Variants in CD163L1 observed in about 807,000 individuals in gnomAD.
CD163L1 encodes scavenger receptor cysteine-rich type 1 protein M160.
In CD163L1, 124 loss-of-function variants were observed where a neutral mutation model predicts 165.4. The observed-to-expected ratio is 0.75, with a 90% CI of 0.65 to 0.87. CD163L1 has a LOEUF of 0.87. Ranked by LOEUF, CD163L1 falls within the 40% of genes least tolerant of loss-of-function variation. The pLI is 0.00. For missense variants in CD163L1, 1,525 were observed against 1,799.9 expected (o/e 0.85, Z 2.76); for synonymous variants, 585 against 662.2 (o/e 0.88, Z 1.79).
At chr12:7,435,285 C>T (rs1417201553) in intron 2 of CD163L1, among the ~76,000 whole-genome samples, 1 of 151,630 alleles carries the variant, frequency 6.6e-6, no homozygotes, top group Non-Finnish European at 1.5e-5. Context: ...TCAAAATACA[C>T]TCTATAAAAA....
chr12:7,435,765 G>C (rs1948705499), intron 2 of CD163L1, among the ~76,000 whole-genome samples: 1 of 151,928 alleles, frequency 6.6e-6, no homozygotes, highest in Admixed American at 6.6e-5. Context: ...CAGAACATTT[G>C]ACAATAGTAA....
chr12:7,369,738 T>C lies in CD163L1; in HGVS notation c.3731-73A>G. On this transcript the variant is annotated intron_variant, in intron 14 of 19. Coordinates refer to ENST00000313599, the MANE Select transcript of CD163L1 (RefSeq NM_174941.6). This position sits in a 1 kb window ranked among gnomAD's most constrained non-coding sequence, Gnocchi z 4.9. Reference sequence around the variant, plus strand: ...GGGAGAATGCTGAGGTAGAAAAACTTGAAAGTAGCAAATGTGCTTGATGAA... The same window carrying C: ...GGGAGAATGCTGAGGTAGAAAAACTCGAAAGTAGCAAATGTGCTTGATGAA... The C allele has an allele frequency of 7.4e-7, 1 of 1,360,360 alleles. No individual in the cohort carries two copies. The allele number at this position is 1,360,360 out of a possible 1,614,324, so 84.3% of individuals were successfully genotyped here.
chr12:7,441,993 A>T (rs1305495955), intron 1 of CD163L1, among the ~76,000 whole-genome samples: 1 of 152,220 alleles, frequency 6.6e-6, no homozygotes, highest in African/African-American at 2.4e-5. Flanking sequence ...ACACAAGCGA[A>T]GGAGTTGAGA....
chr12:7,326,889 A>G, the CD163L1 span: 1 of 1,381,574 alleles, frequency 7.2e-7, no homozygotes, highest in African/African-American at 1.5e-5. Context: ...ATTAATAAAT[A>G]GTAAGCACCT....
chr12:7,385,409 T>G (rs1947495910), intron 8 of CD163L1, among the ~76,000 whole-genome samples: 2 of 152,000 alleles, frequency 1.3e-5, no homozygotes, highest in South Asian at 4.1e-4. Flanking sequence ...ATTACAATAA[T>G]AGTTGGCACT....
At chr12:7,329,812 G>T in the CD163L1 span, among the ~76,000 whole-genome samples, 1 of 151,850 alleles carries the variant, frequency 6.6e-6, no homozygotes, top group Non-Finnish European at 1.5e-5. Flanking sequence ...TTTTATAGCT[G>T]GGAAAGAAGA....
the CD163L1 span, chr12:7,324,451 T>A: frequency 1.2e-6 from 2 of 1,613,934 alleles, no homozygotes; most frequent in Non-Finnish European, 1.7e-6. Flanking sequence ...GGGAGGGAGA[T>A]CTCTAACTTG....
chr12:7,438,424 G>A lies in CD163L1; in HGVS notation c.124+2730C>T, dbSNP rs757404934. On this transcript the variant is annotated intron_variant, in intron 2 of 19. Coordinates refer to ENST00000313599, the MANE Select transcript of CD163L1 (RefSeq NM_174941.6). ...AGTTTGTGTCCTATTATTTAATAGT[G>A]GTATACTCAAGACAACAGGGGAAAT... Among the ~76,000 whole-genome samples the A allele has an allele frequency of 4.6e-5, 7 of 152,090 alleles. No homozygotes were observed. In the South Asian group the frequency reaches 1.5e-3, roughly 32 times the overall value.
intron 13 of CD163L1, among the ~76,000 whole-genome samples, 195 bp from the exon 14 acceptor site, chr12:7,373,835 T>C (rs1040268297): frequency 6.6e-6 from 1 of 152,232 alleles, no homozygotes; most frequent in African/African-American, 2.4e-5. Flanking sequence ...AGTGTGGGTT[T>C]CCCAAGAATA....
chr12:7,371,835 G>C (rs34985304), intron 14 of CD163L1, among the ~76,000 whole-genome samples: 7,369 of 151,682 alleles, frequency 0.049, 270 homozygotes, highest in African/African-American at 0.1. Context: ...AAAGAGCAGG[G>C]AGCACAAATA....
At chr12:7,423,673 A>G (rs1948483589) in intron 4 of CD163L1, among the ~76,000 whole-genome samples, 1 of 152,154 alleles carries the variant, frequency 6.6e-6, no homozygotes, top group Admixed American at 6.5e-5. Context: ...CAGAAATACA[A>G]ACTACCGTCA....
rs1947327475 is a variant in CD163L1 at position 7,378,969 on chromosome 12, A to G, written c.2371+9T>C. 1 of 1,589,618 alleles carries G rather than the reference A, an allele frequency of 6.3e-7. No individual in the cohort carries two copies. The highest frequency in any genetic ancestry group is 8.6e-7 in the Non-Finnish European group (1 of 1,163,882). On this transcript the variant is annotated intron_variant, in intron 9 of 19. Transcript: ENST00000313599. ...TAAATAAATGTGTTTATCTTTGTCCAGAAATTACCTGAGCAGATCAAACTT... is the reference window on the plus strand; with the variant it reads ...TAAATAAATGTGTTTATCTTTGTCCGGAAATTACCTGAGCAGATCAAACTT...
chr12:7,383,602 C>A (rs962172332), intron 8 of CD163L1, among the ~76,000 whole-genome samples: 1 of 152,192 alleles, frequency 6.6e-6, no homozygotes, highest in African/African-American at 2.4e-5. Flanking sequence ...ACCACTGAGG[C>A]TCAAGGACTG....
At chr12:7,429,285 T>A (rs982571019) in intron 4 of CD163L1, among the ~76,000 whole-genome samples, 1 of 152,004 alleles carries the variant, frequency 6.6e-6, no homozygotes, top group Admixed American at 6.6e-5. Context: ...CTGGAAATAA[T>A]CAAAAATGTT....
intron 14 of CD163L1, among the ~76,000 whole-genome samples, chr12:7,370,016 A>G (rs1014696681): frequency 6.6e-6 from 1 of 152,112 alleles, no homozygotes; most frequent in African/African-American, 2.4e-5. Flanking sequence ...CATTTTCACA[A>G]TTTCTCCAAA....
chr12:7,425,341 G>T (rs1442996843), intron 4 of CD163L1, among the ~76,000 whole-genome samples: 2 of 152,148 alleles, frequency 1.3e-5, no homozygotes, highest in Non-Finnish European at 2.9e-5. Flanking sequence ...ACTCAAGATG[G>T]ATTAAAGACT....
chr12:7,431,391 T>C (rs1459938029), intron 4 of CD163L1, among the ~76,000 whole-genome samples: 1 of 150,906 alleles, frequency 6.6e-6, no homozygotes, highest in Non-Finnish European at 1.5e-5. Context: ...CACTCCAGCC[T>C]GGGCAACAGC....
chr12:7,321,160 A>G, the CD163L1 span, among the ~76,000 whole-genome samples: 4 of 152,206 alleles, frequency 2.6e-5, no homozygotes, highest in Admixed American at 1.3e-4. Flanking sequence ...AGACCTCTGT[A>G]GTCCCAGAAC....
chr12:7,374,418 G>A lies in CD163L1; in HGVS notation c.3409+24C>T. On this transcript the variant is annotated intron_variant, in intron 13 of 19. Coordinates refer to ENST00000313599, the MANE Select transcript of CD163L1 (RefSeq NM_174941.6). This position sits in a 1 kb window ranked among gnomAD's most constrained non-coding sequence, Gnocchi z 5.4. ...AGTGTGTGCACGTGTGTGTAGAGGAGGGTGAAAAGGTAGCAGCACAGACCT... is the reference window on the plus strand; with the variant it reads ...AGTGTGTGCACGTGTGTGTAGAGGAAGGTGAAAAGGTAGCAGCACAGACCT... The A allele has an allele frequency of 1.3e-6, 2 of 1,586,598 alleles. No homozygotes were observed. The highest frequency in any genetic ancestry group is 8.6e-7 in the Non-Finnish European group (1 of 1,165,052).
Sources: allele counts gnomAD v4.1 joint callset (sites outside exome capture counted in the v4.1 genomes callset), GRCh38; gene constraint gnomAD v4.1.1; non-coding constraint Gnocchi (gnomAD v3.1); transcripts MANE v1.5; gene names NCBI Gene and HGNC (gene_info 2026-07-23, HGNC 2026-07-21).